The following FIP1L1 variants were observed in gnomAD, a reference collection of about 807,000 sequenced individuals.
The protein encoded by FIP1L1 is factor interacting with PAPOLA and CPSF1, also known as pre-mRNA 3'-end-processing factor FIP1.
A neutral mutation model predicts 84.6 loss-of-function variants in FIP1L1; 21 were observed. The ratio of observed to expected loss-of-function variants is 0.25; its 90% CI spans 0.18 to 0.36. FIP1L1 has a LOEUF of 0.36. Ranked by LOEUF, FIP1L1 falls within the 10% of genes least tolerant of loss-of-function variation. FIP1L1 has a pLI of 1.00. For synonymous variants in FIP1L1, 263 were observed against 242.3 expected (o/e 1.09, Z -0.80); for missense variants, 526 against 751.1 (o/e 0.70, Z 3.50).
At chr4:53,390,894 TAG>T in intron 7 of FIP1L1, 113 bp from the exon 8 acceptor site, 5 of 872,598 alleles carry the variant, frequency 5.7e-6, no homozygotes, top group African/African-American at 1.7e-5. Context: ...CCATAAATGA[TAG>T]AGTGATAACT....
intron 9 of FIP1L1, among the ~76,000 whole-genome samples, chr4:53,397,010 C>T (rs1051595305): frequency 5.3e-5 from 8 of 152,190 alleles, no homozygotes; most frequent in African/African-American, 1.7e-4. Context: ...GCAGTTTTTA[C>T]TGCTAGAGAG....
intron 11 of FIP1L1, among the ~76,000 whole-genome samples, chr4:53,415,035 A>T (rs191094049): frequency 2.6e-4 from 39 of 152,284 alleles, no homozygotes; most frequent in African/African-American, 9.4e-4. Flanking sequence ...CATTTAAAAA[A>T]AATTCCCAGG....
chr4:53,428,161 T>A lies in FIP1L1; in HGVS notation c.1152T>A (p.Ala384=). ...CACCTCCTCCGACTGTCAGCACTGC[T>A]CCACCTCTGATTCCACCACCGGGTA... ...FLPPPPTVST[A]PPLIPPPGFP... is the part of the protein sequence containing the mutation. Residue 384 remains alanine, a synonymous_variant, in exon 13 of 18, where the codon GCT becomes GCA. Transcript: ENST00000337488. 6.3e-7 allele frequency: 1 copy of A among 1,591,722 alleles called. No individual in the cohort carries two copies.
At chr4:53,407,132 C>T (rs1170200651) in intron 10 of FIP1L1, among the ~76,000 whole-genome samples, 1 of 151,994 alleles carries the variant, frequency 6.6e-6, no homozygotes, top group Non-Finnish European at 1.5e-5. Context: ...TTCCTTCTTT[C>T]TCTTGTGGGC....
intron 15 of FIP1L1, among the ~76,000 whole-genome samples, chr4:53,451,251 A>T (rs1706414775): frequency 6.6e-6 from 1 of 151,096 alleles, no homozygotes; most frequent in Non-Finnish European, 1.5e-5. Context: ...GATTATAGGC[A>T]TGAACCACCG....
Position 53,459,623 on chromosome 4 carries a change from C to A in FIP1L1, c.*174C>A. On this transcript the variant is annotated 3_prime_UTR_variant, in exon 18 of 18. Transcript: ENST00000337488. ...GAATTTTTCATGTTAAGTTAAAAAT[C>A]TTTGTCTTGTACTATTTCAAAAATA... 2.2e-6 allele frequency: 2 copies of A among 890,372 alleles called. No homozygotes were observed. The highest frequency in any genetic ancestry group is 3.5e-6 in the Non-Finnish European group (2 of 578,376). 55.2% of individuals were successfully genotyped at this position (890,372 alleles called of 1,614,324 possible). A position where few individuals can be genotyped will look rare whatever the true frequency, so the allele number is the denominator to read the frequency against.
intron 10 of FIP1L1, among the ~76,000 whole-genome samples, chr4:53,411,562 A>G (rs1757236905): frequency 6.6e-6 from 1 of 152,146 alleles, no homozygotes; most frequent in African/African-American, 2.4e-5. Flanking sequence ...TTAGGGAGAA[A>G]ACAGTAAATG....
At chr4:53,456,771 C>A (rs527417579) in intron 16 of FIP1L1, among the ~76,000 whole-genome samples, 1 of 152,122 alleles carries the variant, frequency 6.6e-6, no homozygotes, top group South Asian at 2.1e-4. Context: ...GGAGGAGGGT[C>A]TTTATATTTT....
intron 10 of FIP1L1, among the ~76,000 whole-genome samples, chr4:53,409,804 A>G (rs1220551078): frequency 6.6e-6 from 1 of 152,198 alleles, no homozygotes; most frequent in African/African-American, 2.4e-5. Flanking sequence ...CAGGTGCAGG[A>G]TATAATCTCC....
intron 13 of FIP1L1, among the ~76,000 whole-genome samples, chr4:53,434,293 T>G (rs1768075460): frequency 6.6e-6 from 1 of 152,130 alleles, no homozygotes; most frequent in Non-Finnish European, 1.5e-5. Context: ...AAAAATTTAG[T>G]GGGAAGTGGT....
intron 3 of FIP1L1, among the ~76,000 whole-genome samples, chr4:53,381,141 G>A (rs1374137853): frequency 1.3e-5 from 2 of 152,076 alleles, no homozygotes; most frequent in African/African-American, 4.8e-5. Flanking sequence ...TATTTTTCTA[G>A]AAAAAGCTTA....
intron 11 of FIP1L1, among the ~76,000 whole-genome samples, chr4:53,417,759 ACACACTCT>A (rs1760322230): frequency 3.7e-5 from 2 of 54,144 alleles, no homozygotes; most frequent in Admixed American, 2.0e-4. Context: ...ACACACACAC[ACACACTCT>A]CTCTCTCTCT....
intron 15 of FIP1L1, among the ~76,000 whole-genome samples, chr4:53,450,649 G>A (rs1775992147): frequency 6.6e-6 from 1 of 152,022 alleles, no homozygotes; most frequent in Non-Finnish European, 1.5e-5. Context: ...CTGTAGCCTG[G>A]GTGACAGCAA....
At chr4:53,421,075 T>C (rs559677609) in intron 11 of FIP1L1, among the ~76,000 whole-genome samples, 1 of 152,292 alleles carries the variant, frequency 6.6e-6, no homozygotes, top group African/African-American at 2.4e-5. Flanking sequence ...CATCAGGATT[T>C]TGATATGCAG....
intron 9 of FIP1L1, among the ~76,000 whole-genome samples, chr4:53,395,584 ATATAGT>A (rs1184852404): frequency 1.3e-5 from 2 of 152,228 alleles, no homozygotes; most frequent in African/African-American, 2.4e-5. Flanking sequence ...GCTAAAGATG[ATATAGT>A]TATAAACTAC....
intron 17 of FIP1L1, 151 bp downstream of exon 17, chr4:53,458,941 TA>T: frequency 1.0e-5 from 9 of 887,558 alleles, no homozygotes; most frequent in Non-Finnish European, 1.5e-5. Flanking sequence ...CAAATTTTTT[TA>T]AAAAAGCATT....
Position 53,377,934 on chromosome 4 carries a change from T to G in FIP1L1, c.85+11T>G. The G allele has an allele frequency of 6.3e-7, 1 of 1,577,374 alleles. No homozygotes were observed. The highest frequency in any genetic ancestry group is 1.8e-5 in the Admixed American group (1 of 55,720). On this transcript the variant is annotated intron_variant, in intron 1 of 17. Coordinates refer to ENST00000337488, the MANE Select transcript of FIP1L1 (RefSeq NM_030917.4). Reference sequence around the variant, plus strand: ...AGTGGCTCTATGGCGGTACGAAACTTCCTGTCTCTGTCTCTCGGGTTCTCT... The same window carrying G: ...AGTGGCTCTATGGCGGTACGAAACTGCCTGTCTCTGTCTCTCGGGTTCTCT...
At chr4:53,430,137 T>C (rs1156851150) in intron 13 of FIP1L1, among the ~76,000 whole-genome samples, 1 of 152,146 alleles carries the variant, frequency 6.6e-6, no homozygotes, top group Non-Finnish European at 1.5e-5. Context: ...ACAAATATAG[T>C]ATATCCCCAG....
intron 1 of FIP1L1, chr4:53,378,778 T>C (rs1213205251): frequency 2.7e-6 from 1 of 364,594 alleles, no homozygotes; most frequent in African/African-American, 2.1e-5. Flanking sequence ...AAAACATATA[T>C]TCTTGATTGT....
Sources: gnomAD v4.1 joint callset for allele counts (sites outside exome capture counted in the v4.1 genomes callset) on GRCh38, gnomAD v4.1.1 for gene constraint, MANE v1.5 for transcripts, NCBI Gene and HGNC (gene_info 2026-07-23, HGNC 2026-07-21) for gene names.